PRDM10: variants seen among roughly 807,000 people sequenced by gnomAD.
PRDM10 encodes the protein PR domain zinc finger protein 10.
A neutral mutation model predicts 133.1 loss-of-function variants in PRDM10; 65 were observed. The ratio of observed to expected loss-of-function variants is 0.49; its 90% CI spans 0.40 to 0.60. PRDM10 has a LOEUF of 0.60. PRDM10 is among the 20% of genes least tolerant of loss of function. PRDM10 has a pLI of 0.00. For synonymous variants in PRDM10, 582 were observed against 580.4 expected (o/e 1.00, Z -0.04); for missense variants, 1,137 against 1,507.1 (o/e 0.75, Z 4.07).
In PRDM10 at chr11:129,917,118, C is replaced by G. The variant is rs1255501099; in HGVS notation, c.2325+9G>C. ...CAGTGGCATACCAATATGAATATTT[C>G]CCTTTTACCTTATCGCAATACTGAC... On this transcript the variant is annotated intron_variant, in intron 15 of 20. Transcript: ENST00000360871. The G allele has an allele frequency of 1.3e-6, 2 of 1,588,904 alleles. No homozygotes were observed.
intron 9 of PRDM10, among the ~76,000 whole-genome samples, chr11:129,933,008 C>G (rs1441893311): frequency 1.3e-5 from 2 of 152,198 alleles, no homozygotes; most frequent in Admixed American, 6.5e-5. Flanking sequence ...AATCCTCCCT[C>G]TTGGGCCTCC....
chr11:129,911,322 A>C (rs772146092), intron 18 of PRDM10, among the ~76,000 whole-genome samples: 1 of 152,220 alleles, frequency 6.6e-6, no homozygotes, highest in Non-Finnish European at 1.5e-5. Context: ...CACAAAATGA[A>C]ATGAAACCCA....
intron 6 of PRDM10, 55 bp downstream of exon 6, chr11:129,944,716 G>A (rs1951347396): frequency 6.3e-7 from 1 of 1,595,734 alleles, no homozygotes; most frequent in Non-Finnish European, 8.5e-7. Flanking sequence ...ACAACGCAGT[G>A]CTCCTTCAAA....
intron 1 of PRDM10, among the ~76,000 whole-genome samples, chr11:129,981,474 C>G (rs984303244): frequency 6.6e-6 from 1 of 151,866 alleles, no homozygotes; most frequent in African/African-American, 2.4e-5. Context: ...ACTTTTTTTT[C>G]CATTATCTTA....
rs907051894 is a variant in PRDM10 at position 129,955,566 on chromosome 11, C to T, written c.240G>A (p.Leu80=). Residue 80 remains leucine, a synonymous_variant, in exon 4 of 21, where the codon CTG becomes CTA. Coordinates refer to ENST00000360871, the MANE Select transcript of PRDM10 (RefSeq NM_199437.2). ...YIHPVEAAQT[L]FTDPGQVAYV... ...AAGCTACCTGGCCGGGGTCTGTAAACAGAGTCTAAACAAACAAACGAACAA... is the reference window on the plus strand; with the variant it reads ...AAGCTACCTGGCCGGGGTCTGTAAATAGAGTCTAAACAAACAAACGAACAA... 1 of 1,614,006 alleles carries T rather than the reference C, an allele frequency of 6.2e-7. No individual in the cohort carries two copies. The highest frequency in any genetic ancestry group is 1.3e-5 in the African/African-American group (1 of 75,024).
chr11:129,968,463 AG>A (rs1402310901), intron 1 of PRDM10, among the ~76,000 whole-genome samples: 5 of 152,056 alleles, frequency 3.3e-5, no homozygotes, highest in African/African-American at 1.2e-4. Flanking sequence ...CAGTCTGGGG[AG>A]GGGGTTGTGG....
chr11:129,947,498 C>A lies in PRDM10; in HGVS notation c.295-128G>T. ...AGTCTTCCTACCAACTCCTTCCAGG[C>A]CCTGGAAAAATGACTTCCATCTACC... On this transcript the variant is annotated intron_variant, in intron 4 of 20. Transcript: ENST00000360871. The surrounding 1 kb of genome is among the most constrained non-coding windows in gnomAD (Gnocchi z 4.6). 6.5e-7 allele frequency: 1 copy of A among 1,529,084 alleles called. No individual in the cohort carries two copies. Among genetic ancestry groups the A allele is most frequent in the South Asian group, 1.3e-5 (1 of 77,162 alleles). 94.7% of individuals were successfully genotyped at this position (1,529,084 alleles called of 1,614,324 possible).
At chr11:129,986,591 G>T (rs1483218998) in intron 1 of PRDM10, among the ~76,000 whole-genome samples, 1 of 152,124 alleles carries the variant, frequency 6.6e-6, no homozygotes, top group African/African-American at 2.4e-5. Flanking sequence ...ATTTTGCCAT[G>T]TTGGCCAGGC....
intron 16 of PRDM10, 49 bp downstream of exon 16, chr11:129,915,611 T>A: frequency 2.6e-6 from 4 of 1,514,556 alleles, no homozygotes; most frequent in Non-Finnish European, 3.5e-6. Flanking sequence ...CTTAAGAGAT[T>A]CCTCGCATGG....
intron 4 of PRDM10, among the ~76,000 whole-genome samples, chr11:129,951,841 A>G (rs560315967): frequency 6.6e-6 from 1 of 152,290 alleles, no homozygotes; most frequent in East Asian, 1.9e-4. Context: ...GGACGGGGGA[A>G]TGCATACATG....
chr11:129,948,153 C>A (rs1310995094), intron 4 of PRDM10: 1 of 440,530 alleles, frequency 2.3e-6, no homozygotes, highest in South Asian at 1.6e-5. Flanking sequence ...TTAATGCTAT[C>A]TTATCAAATA....
intron 1 of PRDM10, among the ~76,000 whole-genome samples, chr11:129,969,036 C>T (rs1332412029): frequency 6.6e-6 from 1 of 152,182 alleles, no homozygotes; most frequent in Non-Finnish European, 1.5e-5. Flanking sequence ...GGGCACTCTC[C>T]TGCCACACAC....
chr11:129,935,059 C>T, intron 9 of PRDM10, 42 bp downstream of exon 9: 1 of 1,510,226 alleles, frequency 6.6e-7, no homozygotes, highest in Non-Finnish European at 9.2e-7. Flanking sequence ...GATTCTGAAC[C>T]TTTATGAACT....
In PRDM10 at chr11:129,903,140, C is replaced by CA. The variant is rs569055084; in HGVS notation, c.3268-625dup. 2.5e-3 allele frequency among the ~76,000 whole-genome samples: 379 copies of CA among 151,418 alleles called. 2 individuals are homozygous for CA. The highest frequency in any genetic ancestry group is 4.2e-3 in the Non-Finnish European group (287 of 67,824). The stretch of plus-strand genomic sequence containing the variant: ...AGAAACTCCGTCTCTACTAAACATA[C>CA]AAAAAAAATTAGCCGGGCGTGGTGG... On this transcript the variant is annotated intron_variant, in intron 20 of 20. Coordinates refer to ENST00000360871, the MANE Select transcript of PRDM10 (RefSeq NM_199437.2).
chr11:129,921,642 G>GTT (rs947262333), intron 13 of PRDM10, among the ~76,000 whole-genome samples: 9 of 152,226 alleles, frequency 5.9e-5, no homozygotes, highest in Non-Finnish European at 1.3e-4. Context: ...GGTGGTAGTG[G>GTT]TTTTGTGCTG....
intron 17 of PRDM10, among the ~76,000 whole-genome samples, chr11:129,913,079 G>C (rs1381382111): frequency 6.6e-6 from 1 of 151,200 alleles, no homozygotes; most frequent in African/African-American, 2.4e-5. Context: ...AAATAGCCAG[G>C]CATGGTGGCA....
chr11:129,990,417 G>A (rs970859286), intron 1 of PRDM10, among the ~76,000 whole-genome samples: 10 of 151,304 alleles, frequency 6.6e-5, no homozygotes, highest in Admixed American at 5.9e-4. Flanking sequence ...AGCTATTCAG[G>A]AGGGTGAGGC....
At position 129,918,395 on chromosome 11, in the gene PRDM10, G is replaced by T; in HGVS notation, c.2214+144C>A. 1.0e-6 allele frequency: 1 copy of T among 986,896 alleles called. No individual in the cohort carries two copies. The highest frequency in any genetic ancestry group is 1.4e-6 in the Non-Finnish European group (1 of 737,954). 61.1% of individuals were successfully genotyped at this position (986,896 alleles called of 1,614,324 possible). A position where few individuals can be genotyped will look rare whatever the true frequency, so the allele number is the denominator to read the frequency against. ...AAGACAGAACTCCAAATTGGGAATC[G>T]TTTGCCTCTGTTTCTTCCCCTGGAC... On this transcript the variant is annotated intron_variant, in intron 14 of 20. Transcript: ENST00000360871. The surrounding 1 kb of genome is among the most constrained non-coding windows in gnomAD (Gnocchi z 5.3).
chr11:129,940,151 G>C (rs1179480341), intron 7 of PRDM10, among the ~76,000 whole-genome samples: 1 of 152,146 alleles, frequency 6.6e-6, no homozygotes, highest in Non-Finnish European at 1.5e-5. Flanking sequence ...GCACAAGTAT[G>C]ATGTAATTTT....
Sources: allele counts gnomAD v4.1 joint callset (sites outside exome capture counted in the v4.1 genomes callset), GRCh38; gene constraint gnomAD v4.1.1; non-coding constraint Gnocchi (gnomAD v3.1); transcripts MANE v1.5; gene names NCBI Gene and HGNC (gene_info 2026-07-23, HGNC 2026-07-21).